Variants in SRP68 observed in about 807,000 individuals in gnomAD.
SRP68 encodes the protein signal recognition particle 68.
Under a neutral mutation model 82.2 loss-of-function variants are expected in SRP68, and 15 were observed. The ratio of observed to expected loss-of-function variants is 0.18; its 90% CI spans 0.12 to 0.28. The LOEUF (loss-of-function observed/expected upper bound fraction) is 0.28, where lower values mean the gene tolerates loss of function less well. Among genes scored for constraint, SRP68 ranks in the 10% least tolerant of loss-of-function variants. The pLI, the probability that SRP68 is intolerant of heterozygous loss-of-function variation, is 1.00. For synonymous variants in SRP68, 261 were observed against 292.6 expected (o/e 0.89, Z 1.10); for missense variants, 595 against 780.5 (o/e 0.76, Z 2.83).
intron 14 of SRP68, 137 bp downstream of exon 14, chr17:76,040,766 C>A: frequency 1.2e-6 from 1 of 836,178 alleles, no homozygotes; most frequent in South Asian, 1.6e-5. Flanking sequence ...CCAGCTGGCA[C>A]AAGTAAAGGC....
intron 2 of SRP68, 124 bp downstream of exon 2, chr17:76,070,253 CA>C (rs1271639342): frequency 3.7e-6 from 2 of 541,364 alleles, no homozygotes; most frequent in African/African-American, 4.6e-5. Context: ...AGCAAACAAA[CA>C]AACAAAAAAA....
In SRP68 at chr17:76,070,850, GCACACA is replaced by G. The variant is rs71891783; in HGVS notation, c.185-412_185-407del. 1.6e-3 allele frequency among the ~76,000 whole-genome samples: 232 copies of G among 146,886 alleles called. 5 individuals are homozygous for G. The highest frequency in any genetic ancestry group is 6.9e-3 in the Middle Eastern group (2 of 290). ...GTGAGATTCAGTCACACATGCACAT[GCACACA>G]CACACACACACACACACACACACAA... On this transcript the variant is annotated intron_variant, in intron 1 of 15. Transcript: ENST00000307877.
chr17:76,064,652 C>T (rs771793318), intron 3 of SRP68, among the ~76,000 whole-genome samples: 1 of 151,970 alleles, frequency 6.6e-6, no homozygotes, highest in Non-Finnish European at 1.5e-5. Context: ...ATCAGCCTGG[C>T]CAACATGGTG....
intron 8 of SRP68, among the ~76,000 whole-genome samples, chr17:76,054,786 G>A (rs2144504927): frequency 6.6e-6 from 1 of 151,978 alleles, no homozygotes; most frequent in East Asian, 1.9e-4. Context: ...TCACACCATT[G>A]CACAACGCGT....
rs554882589 is a variant in SRP68 at position 76,057,869 on chromosome 17, T to C, written c.838-326A>G. Among the ~76,000 whole-genome samples, 4 of 152,294 alleles carry C rather than the reference T, an allele frequency of 2.6e-5. No individual in the cohort carries two copies. The South Asian group carries it at 8.3e-4, about 32-fold the overall frequency. ...TTTGTATTTTTAGTAGAGACGAGGT[T>C]TCACCACGTTGGCCAGACTGGTCTC... On this transcript the variant is annotated intron_variant, in intron 7 of 15. Coordinates refer to ENST00000307877, the MANE Select transcript of SRP68 (RefSeq NM_014230.4).
intron 8 of SRP68, among the ~76,000 whole-genome samples, chr17:76,055,846 T>C (rs374166195): frequency 1.4e-5 from 2 of 147,134 alleles, no homozygotes; most frequent in East Asian, 2.0e-4. Flanking sequence ...GTTGCACAGT[T>C]ACCCAGGCTG....
intron 8 of SRP68, among the ~76,000 whole-genome samples, chr17:76,051,843 T>C (rs190668013): frequency 3.3e-4 from 51 of 152,332 alleles, no homozygotes; most frequent in Non-Finnish European, 6.8e-4. Flanking sequence ...ACGGGCAATG[T>C]CCTCTACGTG....
At chr17:76,056,290 G>A (rs1009740204) in intron 8 of SRP68, among the ~76,000 whole-genome samples, 4 of 152,078 alleles carry the variant, frequency 2.6e-5, no homozygotes, top group Non-Finnish European at 5.9e-5. Context: ...ACTGAACTGA[G>A]GACAGAAGTA....
In SRP68 at chr17:76,039,851, C is replaced by T. The variant is rs746215653; in HGVS notation, c.1739G>A (p.Gly580Asp). 3.6e-5 allele frequency: 58 copies of T among 1,614,066 alleles called. 2 individuals are homozygous for T. In the South Asian group the frequency reaches 6.0e-4, roughly 17 times the overall value. The change falls in exon 16 of 16, where the codon GGC becomes GAC. Residue 580 changes from glycine (G) to aspartate (D), a missense_variant. By Grantham distance (94) the Gly-to-Asp change is moderately conservative. This residue lies in a region of SRP68 where 495 missense variants were observed against 688.6 expected (regional missense o/e 0.72). Coordinates refer to ENST00000307877, the MANE Select transcript of SRP68 (RefSeq NM_014230.4). The part of the protein sequence containing the change: ...KQANLVHFPP[G>D]FQPIPCKPLF... Reference sequence around the variant, plus strand: ...AGGCTTGCAGGGAATGGGCTGGAAGCCTGGTGGGAAGTGCACAAGGTTGGC... The same window carrying T: ...AGGCTTGCAGGGAATGGGCTGGAAGTCTGGTGGGAAGTGCACAAGGTTGGC...
At chr17:76,060,554 T>C (rs890826484) in intron 6 of SRP68, 164 bp from the exon 7 acceptor site, 33 of 580,650 alleles carry the variant, frequency 5.7e-5, no homozygotes, top group Non-Finnish European at 9.5e-5. Context: ...AGAATGAAAT[T>C]GACTGGGGCA....
At position 76,039,227 on chromosome 17, in the gene SRP68, G is replaced by T; in HGVS notation, c.*479C>A. Reference sequence around the variant, plus strand: ...CTTAGCGTTCACTGGGAGGTGAAGGGGAATAAGGCTGACCGTAATTCTGGG... The same window carrying T: ...CTTAGCGTTCACTGGGAGGTGAAGGTGAATAAGGCTGACCGTAATTCTGGG... On this transcript the variant is annotated 3_prime_UTR_variant, in exon 16 of 16. Transcript: ENST00000307877. The T allele has an allele frequency of 2.5e-6, 1 of 400,652 alleles. No homozygotes were observed. The highest frequency in any genetic ancestry group is 2.8e-5 in the Admixed American group (1 of 36,208). 24.8% of individuals were successfully genotyped at this position (400,652 alleles called of 1,614,324 possible). A position where few individuals can be genotyped will look rare whatever the true frequency, so the allele number is the denominator to read the frequency against.
rs569992870 is a variant in SRP68, at chr17:76,060,706, T to C, written c.755-316A>G. The stretch of plus-strand genomic sequence containing the variant: ...ATGATGGTGTGTCTATAAAGGGCCA[T>C]CAATTGTAACAAATGCACCCCTCTG... On this transcript the variant is annotated intron_variant, in intron 6 of 15. Coordinates refer to ENST00000307877, the MANE Select transcript of SRP68 (RefSeq NM_014230.4). 17 of 354,508 alleles carry C rather than the reference T, an allele frequency of 4.8e-5. No individual in the cohort carries two copies. The South Asian group carries it at 6.1e-4, about 13-fold the overall frequency. The allele number at this position is 354,508 out of a possible 1,614,324, so 22.0% of individuals were successfully genotyped here.
intron 9 of SRP68, chr17:76,049,098 C>G (rs2066653027): frequency 6.6e-6 from 1 of 152,186 alleles, no homozygotes; most frequent in African/African-American, 2.4e-5. Context: ...TTCAGTTTTA[C>G]AAAATGCAGA....
At chr17:76,069,320 G>A (rs1488243061) in intron 2 of SRP68, among the ~76,000 whole-genome samples, 21 of 151,878 alleles carry the variant, frequency 1.4e-4, no homozygotes, top group East Asian at 7.7e-4. Context: ...CCCGGAAGGC[G>A]GAGGTTGCAG....
At chr17:76,055,698 G>C (rs1410019690) in intron 8 of SRP68, among the ~76,000 whole-genome samples, 3 of 150,910 alleles carry the variant, frequency 2.0e-5, no homozygotes, top group Non-Finnish European at 4.4e-5. Context: ...AGCTTGCAGT[G>C]AGCAGAGATT....
Position 76,043,895 on chromosome 17 carries a change from A to G in SRP68, c.1458T>C (p.Tyr486=), listed in dbSNP as rs144361541. ...CATTTGCATATTTCAGGACTCTGTCATACAGGACAAGGGCTTCGCTCCACT... is the reference window on the plus strand; with the variant it reads ...CATTTGCATATTTCAGGACTCTGTCGTACAGGACAAGGGCTTCGCTCCACT... ...VKKWSEALVL[Y]DRVLKYANEV... Residue 486 remains tyrosine, a synonymous_variant, in exon 13 of 16, where the codon TAT becomes TAC. Coordinates refer to ENST00000307877, the MANE Select transcript of SRP68 (RefSeq NM_014230.4). The G allele has an allele frequency of 9.9e-4, 1,595 of 1,612,066 alleles. 13 individuals are homozygous for G. In the Middle Eastern group the frequency reaches 0.025, roughly 25 times the overall value.
chr17:76,069,564 G>A (rs1000206025), intron 2 of SRP68, among the ~76,000 whole-genome samples: 2 of 146,188 alleles, frequency 1.4e-5, no homozygotes, highest in East Asian at 2.1e-4. Context: ...AAAATTAGCC[G>A]GGCATGGTGG....
Position 76,043,871 on chromosome 17 carries a change from A to G in SRP68, c.1482T>C (p.Asn494=). ...AGGCGCCAGCATCAGAATTTACTTC[A>G]TTTGCATATTTCAGGACTCTGTCAT... ...VLYDRVLKYA[N]EVNSDAGAFK... The change falls in exon 13 of 16, where the codon AAT becomes AAC. Residue 494 remains asparagine (N), a synonymous_variant. Coordinates refer to ENST00000307877, the MANE Select transcript of SRP68 (RefSeq NM_014230.4). 6.2e-7 allele frequency: 1 copy of G among 1,610,994 alleles called. No individual in the cohort carries two copies. The highest frequency in any genetic ancestry group is 1.1e-5 in the South Asian group (1 of 90,552).
chr17:76,058,879 T>A (rs1334637334), intron 7 of SRP68, among the ~76,000 whole-genome samples: 1 of 152,150 alleles, frequency 6.6e-6, no homozygotes. Context: ...TAATGAACAA[T>A]GAATGGTTAA....
Sources: allele counts gnomAD v4.1 joint callset (sites outside exome capture counted in the v4.1 genomes callset), GRCh38; gene constraint gnomAD v4.1.1; regional missense constraint gnomAD v4.1.1; transcripts MANE v1.5; gene names NCBI Gene and HGNC (gene_info 2026-07-23, HGNC 2026-07-21).